The following CNIH2 variants were observed in gnomAD, a reference collection of about 807,000 sequenced individuals.
The protein encoded by CNIH2 is cornichon family AMPA receptor auxiliary protein 2.
In CNIH2, 8 loss-of-function variants were observed where a neutral mutation model predicts 22.9. The ratio of observed to expected loss-of-function variants is 0.35; its 90% CI spans 0.20 to 0.63. CNIH2 has a LOEUF of 0.63. Among genes scored for constraint, CNIH2 ranks in the 30% least tolerant of loss-of-function variants. The pLI is 0.72. For missense variants in CNIH2, 105 were observed against 206.2 expected (o/e 0.51, Z 3.01); for synonymous variants, 74 against 78.2 (o/e 0.95, Z 0.28).
intron 1 of CNIH2, 53 bp downstream of exon 1, chr11:66,278,590 G>T (rs1857200906): frequency 1.7e-6 from 2 of 1,189,900 alleles, no homozygotes; most frequent in Admixed American, 3.0e-5. Flanking sequence ...CAGGGGCCAC[G>T]CGGAGCTGGA....
intron 1 of CNIH2, among the ~76,000 whole-genome samples, chr11:66,280,807 A>C (rs1857248839): frequency 6.6e-6 from 1 of 152,024 alleles, no homozygotes; most frequent in Non-Finnish European, 1.5e-5. Context: ...TCCCTCCAGG[A>C]AGCCCATGTT....
At chr11:66,282,423 T>TTTGGGGGGGGGGGGGG in intron 2 of CNIH2, 96 bp downstream of exon 2, 1 of 147,068 alleles carries the variant, frequency 6.8e-6, no homozygotes, top group Non-Finnish European at 1.3e-5. Flanking sequence ...GGGGGTGGGG[T>TTTGGGGGGGGGGGGGG]GGGGGGCCTA....
In CNIH2 at chr11:66,283,615, G is replaced by A; in HGVS notation, c.*18G>A. The A allele has an allele frequency of 6.4e-7, 1 of 1,564,216 alleles. No individual in the cohort carries two copies. The highest frequency in any genetic ancestry group is 8.7e-7 in the Non-Finnish European group (1 of 1,153,782). On this transcript the variant is annotated 3_prime_UTR_variant, in exon 6 of 6. Transcript: ENST00000311445. ...GTTTCTAAGGGGGAAGCCGGCCAGG[G>A]AGCGAGCCCAGAACGGACCGGACGC...
chr11:66,278,916 C>G (rs1590889825), intron 1 of CNIH2, among the ~76,000 whole-genome samples: 2 of 19,006 alleles, frequency 1.1e-4, no homozygotes, highest in East Asian at 2.9e-3. Flanking sequence ...CTGTCTGCTG[C>G]CCCCCCCCCC....
chr11:66,283,670 G>T lies in CNIH2; in HGVS notation c.*73G>T. ...GCACCCCCAGCCCTGCCCCTTGGCC[G>T]CAGAGGCCTCAGCCCTGGGGAGGGA... On this transcript the variant is annotated 3_prime_UTR_variant, in exon 6 of 6. Transcript: ENST00000311445. 1 of 1,511,502 alleles carries T rather than the reference G, an allele frequency of 6.6e-7. No individual in the cohort carries two copies. The highest frequency in any genetic ancestry group is 9.0e-7 in the Non-Finnish European group (1 of 1,114,342). 93.6% of individuals were successfully genotyped at this position (1,511,502 alleles called of 1,614,324 possible).
intron 2 of CNIH2, 96 bp downstream of exon 2, chr11:66,282,423 T>TGGGGGGTTTGGGGGGGGGGGGGG: frequency 6.8e-6 from 1 of 147,068 alleles, no homozygotes; most frequent in South Asian, 8.7e-5. Flanking sequence ...GGGGGTGGGG[T>TGGGGGGTTTGGGGGGGGGGGGGG]GGGGGGCCTA....
intron 3 of CNIH2, 105 bp downstream of exon 3, chr11:66,282,885 C>A: frequency 6.9e-7 from 1 of 1,451,864 alleles, no homozygotes; most frequent in South Asian, 1.2e-5. Context: ...TTGATCCACT[C>A]TACTTGGGAG....
chr11:66,280,701 C>T (rs1857247291), intron 1 of CNIH2, among the ~76,000 whole-genome samples: 1 of 152,158 alleles, frequency 6.6e-6, no homozygotes, highest in African/African-American at 2.4e-5. Flanking sequence ...CACCCTTCTG[C>T]TCCCTGTGGA....
Position 66,282,999 on chromosome 11 carries a change from C to T in CNIH2, c.199-36C>T, listed in dbSNP as rs780280373. 3.8e-6 allele frequency: 6 copies of T among 1,564,942 alleles called. No individual in the cohort carries two copies. The Admixed American group carries it at 1.0e-4, about 26-fold the overall frequency. On this transcript the variant is annotated intron_variant, in intron 3 of 5. Transcript: ENST00000311445. ...CCCCTTGAAGGCTGGTCTGTCATAG[C>T]ACCAGGCCGCTGACCTCTCACCCTC...
intron 1 of CNIH2, among the ~76,000 whole-genome samples, chr11:66,280,688 C>T (rs1030965530): frequency 1.4e-4 from 22 of 152,138 alleles, no homozygotes; most frequent in East Asian, 5.8e-4. Flanking sequence ...GGGGTACAGA[C>T]GGCACCCTTC....
chr11:66,282,669 G>C (rs571888695), intron 2 of CNIH2, 64 bp from the exon 3 acceptor site: 1 of 1,583,936 alleles, frequency 6.3e-7, no homozygotes, highest in South Asian at 1.1e-5. Flanking sequence ...ATGTGGAGCG[G>C]TGGGAGCTGC....
Position 66,282,302 on chromosome 11 carries a change from T to C in CNIH2, c.125T>C (p.Ile42Thr). The C allele has an allele frequency of 6.2e-7, 1 of 1,613,366 alleles. No individual in the cohort carries two copies. Among genetic ancestry groups the C allele is most frequent in the Non-Finnish European group, 8.5e-7 (1 of 1,179,868 alleles). ...DELRTDFKNP[I>T]DQGNPARARE... ...CTGCGGACCGACTTCAAGAACCCCA[T>C]CGACCAGGGGAACCCTGCGCGGGCA... The change falls in exon 2 of 6, where the codon ATC (isoleucine) becomes ACC (threonine). Residue 42 changes from isoleucine to threonine, a missense_variant. Ile to Thr is a moderately conservative substitution (Grantham distance 89). Coordinates refer to ENST00000311445, the MANE Select transcript of CNIH2 (RefSeq NM_182553.3).
At chr11:66,280,809 G>C (rs11227447) in intron 1 of CNIH2, among the ~76,000 whole-genome samples, 26,969 of 152,056 alleles carry the variant, frequency 0.18, 2,474 homozygotes, top group East Asian at 0.27. Context: ...CCTCCAGGAA[G>C]CCCATGTTCT....
intron 5 of CNIH2, 50 bp from the exon 6 acceptor site, chr11:66,283,520 G>T: frequency 6.2e-7 from 1 of 1,606,676 alleles, no homozygotes; most frequent in Non-Finnish European, 8.5e-7. Context: ...GTGGGCATCT[G>T]GGTGGCTGTG....
intron 2 of CNIH2, 160 bp downstream of exon 2, chr11:66,282,487 C>A: frequency 1.0e-6 from 1 of 992,594 alleles, no homozygotes; most frequent in Non-Finnish European, 1.5e-6. Flanking sequence ...CTGGCGCGGG[C>A]TCAGGGCTGA....
intron 2 of CNIH2, 34 bp from the exon 3 acceptor site, chr11:66,282,699 C>A (rs1243388926): frequency 8.1e-6 from 13 of 1,613,014 alleles, no homozygotes; most frequent in Non-Finnish European, 1.0e-5. Flanking sequence ...TGCTTCTCCG[C>A]CACCCCATCG....
At chr11:66,282,946 C>A (rs964695255) in intron 3 of CNIH2, 89 bp from the exon 4 acceptor site, 3 of 1,371,600 alleles carry the variant, frequency 2.2e-6, no homozygotes, top group African/African-American at 2.9e-5. Flanking sequence ...GGTGGGTGGG[C>A]ACCTCCCAAA....
At chr11:66,282,560 G>T (rs1857275804) in intron 2 of CNIH2, 173 bp from the exon 3 acceptor site, 2 of 860,808 alleles carry the variant, frequency 2.3e-6, no homozygotes, top group Non-Finnish European at 3.7e-6. Context: ...CGCGGGTGAA[G>T]GCCCTTCCAT....
intron 2 of CNIH2, 74 bp from the exon 3 acceptor site, chr11:66,282,659 A>G: frequency 6.4e-7 from 1 of 1,552,212 alleles, no homozygotes. Context: ...TGGCGGCCAC[A>G]TGTGGAGCGG....
Sources: allele counts gnomAD v4.1 joint callset (sites outside exome capture counted in the v4.1 genomes callset), GRCh38; gene constraint gnomAD v4.1.1; transcripts MANE v1.5; gene names NCBI Gene and HGNC (gene_info 2026-07-23, HGNC 2026-07-21).